Variants in ZRANB3 observed in about 807,000 individuals in gnomAD.
The protein encoded by ZRANB3 is DNA annealing helicase and endonuclease ZRANB3.
In ZRANB3, 125 loss-of-function variants were observed where a neutral mutation model predicts 133.8. The ratio of observed to expected loss-of-function variants is 0.93; its 90% CI spans 0.81 to 1.08. ZRANB3 has a LOEUF of 1.08. ZRANB3 is among the 50% of genes least tolerant of loss of function. The probability of loss-of-function intolerance (pLI) is 0.00; values close to 1 mark genes in which losing one functional copy is unlikely to be tolerated. For missense variants in ZRANB3, 1,229 were observed against 1,275.5 expected (o/e 0.96, Z 0.56); for synonymous variants, 387 against 432.7 (o/e 0.89, Z 1.31).
chr2:135,384,467 A>T (rs1174200068), intron 3 of ZRANB3, among the ~76,000 whole-genome samples: 2 of 152,216 alleles, frequency 1.3e-5, no homozygotes, highest in East Asian at 3.9e-4. Flanking sequence ...CAATAGAAAA[A>T]GAGAGAATCC....
chr2:135,485,130 G>GAAAAA (rs1553502604), intron 2 of ZRANB3, among the ~76,000 whole-genome samples: 1 of 151,080 alleles, frequency 6.6e-6, no homozygotes, highest in Non-Finnish European at 1.5e-5. Flanking sequence ...ACATCTCAGA[G>GAAAAA]AAACAAAACA....
chr2:135,434,965 T>C (rs961493100), intron 2 of ZRANB3, among the ~76,000 whole-genome samples: 18 of 150,828 alleles, frequency 1.2e-4, no homozygotes, highest in Admixed American at 6.0e-4. Context: ...TTTTCTCTCT[T>C]TTTTTTTTAA....
chr2:135,377,516 C>G (rs1159338820), intron 3 of ZRANB3, among the ~76,000 whole-genome samples: 1 of 151,928 alleles, frequency 6.6e-6, no homozygotes, highest in Non-Finnish European at 1.5e-5. Context: ...CTCAAAAACC[C>G]AAACCAAAAC....
In ZRANB3 at chr2:135,499,566, A is replaced by C. The variant is rs139396154; in HGVS notation, c.161+4763T>G. Among the ~76,000 whole-genome samples, 536 of 152,352 alleles carry C rather than the reference A, an allele frequency of 3.5e-3. 6 individuals are homozygous for C. The Middle Eastern group carries it at 0.044, about 13-fold the overall frequency. On this transcript the variant is annotated intron_variant, in intron 2 of 20. Transcript: ENST00000264159. ...TAAGAAATGAACAGGCATTTAAAAA[A>C]AGATGTCCAAATGGCTAATAAGCGT...
intron 2 of ZRANB3, among the ~76,000 whole-genome samples, chr2:135,486,899 A>T (rs1432748470): frequency 6.6e-6 from 1 of 152,066 alleles, no homozygotes; most frequent in Non-Finnish European, 1.5e-5. Flanking sequence ...TGACATTTTA[A>T]CCTCCTCCCA....
chr2:135,291,237 C>T (rs1032029217), intron 8 of ZRANB3, among the ~76,000 whole-genome samples: 3 of 151,852 alleles, frequency 2.0e-5, no homozygotes, highest in African/African-American at 7.3e-5. Flanking sequence ...GGAGTGAGTG[C>T]AGTGGCATGA....
At chr2:135,237,337 TTGG>T (rs1695339176) in intron 12 of ZRANB3, among the ~76,000 whole-genome samples, 1 of 151,546 alleles carries the variant, frequency 6.6e-6, no homozygotes, top group South Asian at 2.1e-4. Context: ...TTTTACACTG[TTGG>T]TGGGACTGTA....
chr2:135,463,487 G>A (rs1426793124), intron 2 of ZRANB3, among the ~76,000 whole-genome samples: 3 of 150,938 alleles, frequency 2.0e-5, no homozygotes, highest in Admixed American at 6.6e-5. Context: ...GTGTGATTTC[G>A]GCTCTCTGCA....
At chr2:135,522,598 A>G (rs1365903782) in intron 1 of ZRANB3, among the ~76,000 whole-genome samples, 2 of 152,270 alleles carry the variant, frequency 1.3e-5, no homozygotes, top group African/African-American at 4.8e-5. Context: ...TCAGGAGTTC[A>G]AGACCAGCCT....
chr2:135,313,743 A>C, intron 7 of ZRANB3, 138 bp from the exon 8 acceptor site: 1 of 523,204 alleles, frequency 1.9e-6, no homozygotes, highest in Non-Finnish European at 3.3e-6. Context: ...AGATTCCAAC[A>C]TGTTCATTTA....
At chr2:135,202,167 T>C (rs11897423) in intron 20 of ZRANB3, among the ~76,000 whole-genome samples, 9,429 of 152,256 alleles carry the variant, frequency 0.062, 576 homozygotes, top group African/African-American at 0.16. Flanking sequence ...ATATAAGTTA[T>C]GAATGGTTAG....
At chr2:135,378,688 T>C (rs1686541638) in intron 3 of ZRANB3, among the ~76,000 whole-genome samples, 1 of 152,200 alleles carries the variant, frequency 6.6e-6, no homozygotes, top group Non-Finnish European at 1.5e-5. Flanking sequence ...ATCATATTGA[T>C]AGTATGCATA....
intron 10 of ZRANB3, 69 bp from the exon 11 acceptor site, chr2:135,269,210 C>T (rs1680396479): frequency 7.7e-7 from 1 of 1,299,008 alleles, no homozygotes; most frequent in Non-Finnish European, 1.0e-6. Flanking sequence ...TATTTCTGAA[C>T]ATGTTAAATG....
chr2:135,322,220 G>T (rs1456416686), intron 6 of ZRANB3, among the ~76,000 whole-genome samples: 1 of 152,076 alleles, frequency 6.6e-6, no homozygotes, highest in African/African-American at 2.4e-5. Context: ...ATGTTCCAGT[G>T]ATTTACATGT....
At chr2:135,472,178 G>A (rs1691298049) in intron 2 of ZRANB3, among the ~76,000 whole-genome samples, 1 of 152,186 alleles carries the variant, frequency 6.6e-6, no homozygotes, top group Non-Finnish European at 1.5e-5. Flanking sequence ...ATCTTATAGT[G>A]TATTCAAATT....
At chr2:135,214,694 G>T (rs1040523663) in intron 17 of ZRANB3, among the ~76,000 whole-genome samples, 1 of 152,126 alleles carries the variant, frequency 6.6e-6, no homozygotes, top group African/African-American at 2.4e-5. Context: ...GTGCGTGTGT[G>T]CACTTATGTG....
chr2:135,268,674 G>A (rs548565424), intron 11 of ZRANB3, among the ~76,000 whole-genome samples: 19 of 152,258 alleles, frequency 1.2e-4, no homozygotes, highest in African/African-American at 4.6e-4. Flanking sequence ...CTTGGGGCTT[G>A]AAACATTACG....
chr2:135,518,287 C>A (rs1332659559), intron 1 of ZRANB3, among the ~76,000 whole-genome samples: 1 of 151,994 alleles, frequency 6.6e-6, no homozygotes, highest in African/African-American at 2.4e-5. Flanking sequence ...CGCTGGTGTT[C>A]CAGGAGCCAC....
At chr2:135,282,197 C>T (rs952737169) in intron 8 of ZRANB3, among the ~76,000 whole-genome samples, 2 of 151,978 alleles carry the variant, frequency 1.3e-5, no homozygotes, top group African/African-American at 4.8e-5. Context: ...ACTTACTATC[C>T]TTTAAAATTA....
Sources: allele counts gnomAD v4.1 joint callset (sites outside exome capture counted in the v4.1 genomes callset), GRCh38; gene constraint gnomAD v4.1.1; transcripts MANE v1.5; gene names NCBI Gene and HGNC (gene_info 2026-07-23, HGNC 2026-07-21).